The following ZNF385D variants were observed in gnomAD, a reference collection of about 807,000 sequenced individuals.
ZNF385D encodes zinc finger protein 385D.
A neutral mutation model predicts 35.8 loss-of-function variants in ZNF385D; 15 were observed. The observed-to-expected ratio is 0.42, with a 90% CI of 0.28 to 0.64. ZNF385D has a LOEUF of 0.64. Ranked by LOEUF, ZNF385D falls within the 30% of genes least tolerant of loss-of-function variation. The pLI is 0.23. For synonymous variants in ZNF385D, 212 were observed against 186.8 expected (o/e 1.13, Z -1.10); for missense variants, 474 against 494.6 (o/e 0.96, Z 0.39).
chr3:21,550,146 A>T (rs2125593995), intron 3 of ZNF385D, among the ~76,000 whole-genome samples: 1 of 152,320 alleles, frequency 6.6e-6, no homozygotes, highest in Non-Finnish European at 1.5e-5. Context: ...ATACTTATAA[A>T]GAAAATTTGG....
intron 2 of ZNF385D, among the ~76,000 whole-genome samples, chr3:22,225,390 G>A (rs529383511): frequency 5.3e-5 from 8 of 152,172 alleles, no homozygotes; most frequent in African/African-American, 1.9e-4. Context: ...CTTGTAACCC[G>A]AGCCCACCCT....
At chr3:22,142,921 C>A (rs1704604997) in intron 3 of ZNF385D, among the ~76,000 whole-genome samples, 1 of 152,058 alleles carries the variant, frequency 6.6e-6, no homozygotes, top group South Asian at 2.1e-4. Flanking sequence ...TTAACAGTCC[C>A]AGGATACTGC....
At chr3:22,359,830 A>G (rs1382496664) in intron 2 of ZNF385D, among the ~76,000 whole-genome samples, 1 of 151,958 alleles carries the variant, frequency 6.6e-6, no homozygotes, top group Non-Finnish European at 1.5e-5. Context: ...ATGAATTTAT[A>G]ATATCATTTA....
chr3:21,615,429 TAAA>T (rs2064817162), intron 2 of ZNF385D, among the ~76,000 whole-genome samples: 1 of 152,172 alleles, frequency 6.6e-6, no homozygotes, highest in Admixed American at 6.5e-5. Context: ...TATTTGTTAA[TAAA>T]TAGTAACACA....
At chr3:22,111,362 C>A (rs1419001244) in intron 3 of ZNF385D, among the ~76,000 whole-genome samples, 1 of 151,720 alleles carries the variant, frequency 6.6e-6, no homozygotes, top group African/African-American at 2.4e-5. Flanking sequence ...TTAGTAAGTT[C>A]AAGCAGATGC....
rs1257025850 is a variant in ZNF385D, at chr3:21,510,839, A to G, written c.439+22T>C. The G allele has an allele frequency of 4.3e-6, 7 of 1,612,396 alleles. No individual in the cohort carries two copies. The South Asian group carries it at 7.7e-5, about 18-fold the overall frequency. On this transcript the variant is annotated intron_variant, in intron 4 of 7. Coordinates refer to ENST00000281523, the MANE Select transcript of ZNF385D (RefSeq NM_024697.3). ...CCCAACGACGACGACGAGGACAACAACAACAAAGATCATTGCTTAACCTGT... is the reference window on the plus strand; with the variant it reads ...CCCAACGACGACGACGAGGACAACAGCAACAAAGATCATTGCTTAACCTGT...
intron 3 of ZNF385D, among the ~76,000 whole-genome samples, chr3:21,856,256 A>C (rs1240436185): frequency 1.3e-5 from 2 of 152,038 alleles, no homozygotes; most frequent in Non-Finnish European, 2.9e-5. Context: ...CTATTTCAAC[A>C]ACTAAAGTGC....
intron 2 of ZNF385D, among the ~76,000 whole-genome samples, chr3:21,606,596 A>C (rs73035404): frequency 1.3e-4 from 20 of 152,336 alleles, no homozygotes; most frequent in Admixed American, 1.0e-3. Flanking sequence ...GAGAAAGGCC[A>C]GGTCTCCTAA....
chr3:21,674,369 T>C (rs916202067), intron 1 of ZNF385D, among the ~76,000 whole-genome samples: 1 of 151,986 alleles, frequency 6.6e-6, no homozygotes, highest in African/African-American at 2.4e-5. Flanking sequence ...GAAGGAAAAG[T>C]AGAGTGGGAC....
intron 3 of ZNF385D, among the ~76,000 whole-genome samples, chr3:22,122,565 T>C (rs1315496944): frequency 6.6e-6 from 1 of 152,024 alleles, no homozygotes; most frequent in Non-Finnish European, 1.5e-5. Flanking sequence ...GTGACAAAGC[T>C]CTCTGCATTT....
chr3:22,372,596 G>A (rs1696962002), exon 2 of ZNF385D: 1 of 913,450 alleles, frequency 1.1e-6, no homozygotes, highest in Non-Finnish European at 1.3e-6. Flanking sequence ...CCCGGGAGAC[G>A]CACGGCTGCC....
At chr3:22,308,471 CAGAG>C (rs1219978914) in intron 2 of ZNF385D, among the ~76,000 whole-genome samples, 1 of 151,292 alleles carries the variant, frequency 6.6e-6, no homozygotes, top group Non-Finnish European at 1.5e-5. Flanking sequence ...GAGAGAAAGA[CAGAG>C]AGAAGGACAT....
intron 2 of ZNF385D, among the ~76,000 whole-genome samples, chr3:22,179,566 A>G (rs1475617533): frequency 1.3e-5 from 2 of 152,220 alleles, no homozygotes; most frequent in African/African-American, 4.8e-5. Context: ...TTCCTAATTG[A>G]ATACCCTTTA....
intron 2 of ZNF385D, among the ~76,000 whole-genome samples, chr3:22,349,702 T>C (rs139395778): frequency 6.6e-6 from 1 of 152,280 alleles, no homozygotes; most frequent in African/African-American, 2.4e-5. Flanking sequence ...CACTGGACCA[T>C]AAATCAACAG....
intron 4 of ZNF385D, among the ~76,000 whole-genome samples, chr3:21,445,002 T>A (rs528904135): frequency 6.6e-6 from 1 of 152,072 alleles, no homozygotes; most frequent in East Asian, 1.9e-4. Flanking sequence ...AGTTGGACCA[T>A]GAAGGAGGAA....
At chr3:22,234,145 T>G (rs149400706) in intron 2 of ZNF385D, among the ~76,000 whole-genome samples, 70 of 152,270 alleles carry the variant, frequency 4.6e-4, no homozygotes, top group African/African-American at 1.6e-3. Flanking sequence ...ATGCATTATT[T>G]GGGATTTATA....
chr3:21,492,860 T>A (rs1705541524), intron 4 of ZNF385D, among the ~76,000 whole-genome samples: 1 of 152,054 alleles, frequency 6.6e-6, no homozygotes, highest in East Asian at 1.9e-4. Context: ...CCATCCCCCA[T>A]TAATTGCAAG....
intron 3 of ZNF385D, among the ~76,000 whole-genome samples, chr3:21,826,071 A>G (rs1278129719): frequency 6.6e-6 from 1 of 152,186 alleles, no homozygotes; most frequent in South Asian, 2.1e-4. Context: ...AATGTCTTCC[A>G]CAAAACTGGT....
At chr3:22,216,556 C>A (rs562554121) in intron 2 of ZNF385D, among the ~76,000 whole-genome samples, 46 of 152,020 alleles carry the variant, frequency 3.0e-4, no homozygotes, top group Non-Finnish European at 4.7e-4. Context: ...TGTGAAAATA[C>A]AAGGAAAACG....
Sources: allele counts gnomAD v4.1 joint callset (sites outside exome capture counted in the v4.1 genomes callset), GRCh38; gene constraint gnomAD v4.1.1; transcripts MANE v1.5; gene names NCBI Gene and HGNC (gene_info 2026-07-23, HGNC 2026-07-21).